Variants in PPP2R2B observed in about 807,000 individuals in gnomAD.
The protein encoded by PPP2R2B is serine/threonine-protein phosphatase 2A 55 kDa regulatory subunit B beta isoform.
Under a neutral mutation model 46.0 loss-of-function variants are expected in PPP2R2B, and 5 were observed. That is an observed-to-expected ratio of 0.11 (90% CI 0.06 to 0.23). The LOEUF is 0.23. Among genes scored for constraint, PPP2R2B ranks in the 10% least tolerant of loss-of-function variants. The pLI, the probability that PPP2R2B is intolerant of heterozygous loss-of-function variation, is 1.00. For missense variants in PPP2R2B, 367 were observed against 575.0 expected (o/e 0.64, Z 3.70); for synonymous variants, 215 against 206.7 (o/e 1.04, Z -0.34).
At chr5:146,798,832 T>C (rs1228787115) in intron 2 of PPP2R2B, among the ~76,000 whole-genome samples, 1 of 152,166 alleles carries the variant, frequency 6.6e-6, no homozygotes, top group Non-Finnish European at 1.5e-5. Flanking sequence ...AGCTAACAAA[T>C]AGTAGATCTG....
At chr5:146,600,085 C>T (rs1436302316) in intron 8 of PPP2R2B, among the ~76,000 whole-genome samples, 1 of 152,204 alleles carries the variant, frequency 6.6e-6, no homozygotes, top group Non-Finnish European at 1.5e-5. Flanking sequence ...AGTGCTCTGT[C>T]CATATCAATT....
At chr5:146,622,824 T>TTAAAG (rs1370504698) in intron 7 of PPP2R2B, among the ~76,000 whole-genome samples, 2 of 152,238 alleles carry the variant, frequency 1.3e-5, no homozygotes, top group African/African-American at 4.8e-5. Context: ...GACATTATCT[T>TTAAAG]TAAAGTAGCT....
chr5:146,662,390 C>T (rs75123014), intron 5 of PPP2R2B, among the ~76,000 whole-genome samples: 1 of 152,174 alleles, frequency 6.6e-6, no homozygotes, highest in African/African-American at 2.4e-5. Flanking sequence ...AACAAATTGA[C>T]TTAAGATTGA....
intron 1 of PPP2R2B, among the ~76,000 whole-genome samples, chr5:147,014,806 G>T (rs1025162075): frequency 6.6e-6 from 1 of 151,996 alleles, no homozygotes; most frequent in South Asian, 2.1e-4. Flanking sequence ...AGTGGGTGCA[G>T]TGCACCAGCA....
intron 7 of PPP2R2B, among the ~76,000 whole-genome samples, chr5:146,617,840 G>A (rs112204975): frequency 2.9e-3 from 445 of 152,110 alleles, no homozygotes; most frequent in African/African-American, 0.01. Context: ...GATTACAGAC[G>A]TGTGCCACCA....
intron 5 of PPP2R2B, among the ~76,000 whole-genome samples, chr5:146,678,212 T>C (rs2151132182): frequency 6.6e-6 from 1 of 152,136 alleles, no homozygotes; most frequent in East Asian, 1.9e-4. Flanking sequence ...GTGGGCTTCA[T>C]CCCTGGGATG....
chr5:146,736,493 G>T (rs754925700), intron 2 of PPP2R2B, among the ~76,000 whole-genome samples: 1 of 152,048 alleles, frequency 6.6e-6, no homozygotes, highest in African/African-American at 2.4e-5. Context: ...GCTCCAGATC[G>T]TGCAGGAAGA....
intron 1 of PPP2R2B, among the ~76,000 whole-genome samples, chr5:146,996,712 C>T (rs555543289): frequency 1.3e-5 from 2 of 152,230 alleles, no homozygotes; most frequent in African/African-American, 4.8e-5. Context: ...CACTATGGTA[C>T]CTGGGTGAGG....
At chr5:146,681,890 C>T (rs1174354169) in intron 5 of PPP2R2B, among the ~76,000 whole-genome samples, 1 of 152,134 alleles carries the variant, frequency 6.6e-6, no homozygotes, top group African/African-American at 2.4e-5. Context: ...GCACCAGAGG[C>T]CATGGAAACA....
intron 2 of PPP2R2B, among the ~76,000 whole-genome samples, chr5:146,818,184 C>A (rs780752464): frequency 1.3e-5 from 2 of 152,180 alleles, no homozygotes; most frequent in Non-Finnish European, 2.9e-5. Flanking sequence ...CAAAGTACGT[C>A]TTTCCCGCCA....
intron 2 of PPP2R2B, among the ~76,000 whole-genome samples, chr5:146,783,817 C>G (rs1317999326): frequency 1.3e-5 from 2 of 152,188 alleles, no homozygotes; most frequent in African/African-American, 4.8e-5. Context: ...TCCCAGAGCA[C>G]TGCAGAAATT....
At chr5:146,641,646 T>C (rs994181961) in intron 6 of PPP2R2B, among the ~76,000 whole-genome samples, 2 of 151,970 alleles carry the variant, frequency 1.3e-5, no homozygotes, top group African/African-American at 4.8e-5. Flanking sequence ...ATTAAGTGAC[T>C]TATGGGGATG....
chr5:146,771,604 C>G (rs1754858640), intron 2 of PPP2R2B, among the ~76,000 whole-genome samples: 1 of 152,328 alleles, frequency 6.6e-6, no homozygotes, highest in Non-Finnish European at 1.5e-5. Context: ...GATGAGCTGT[C>G]TACCAATATC....
chr5:147,079,897 G>C (rs1393583420), intron 2 of PPP2R2B, among the ~76,000 whole-genome samples: 1 of 151,974 alleles, frequency 6.6e-6, no homozygotes, highest in African/African-American at 2.4e-5. Flanking sequence ...AATCATCTTG[G>C]TTTGATATCA....
At chr5:146,765,516 T>C (rs930220628) in intron 2 of PPP2R2B, among the ~76,000 whole-genome samples, 4 of 152,194 alleles carry the variant, frequency 2.6e-5, no homozygotes, top group Admixed American at 1.3e-4. Context: ...GCCAAAACCC[T>C]TTGTGTTAGC....
intron 2 of PPP2R2B, among the ~76,000 whole-genome samples, chr5:146,731,770 T>G (rs777467483): frequency 2.0e-5 from 3 of 152,184 alleles, no homozygotes; most frequent in Non-Finnish European, 4.4e-5. Context: ...TGATAAATCC[T>G]CAATAAGTTT....
intron 2 of PPP2R2B, among the ~76,000 whole-genome samples, chr5:146,744,543 A>C (rs988588327): frequency 6.6e-6 from 1 of 152,184 alleles, no homozygotes; most frequent in Non-Finnish European, 1.5e-5. Context: ...GAGAAATGTG[A>C]AATTCCACTC....
chr5:146,632,061 G>GCCCCCCCCC, intron 7 of PPP2R2B, among the ~76,000 whole-genome samples: 164 of 104,042 alleles, frequency 1.6e-3, no homozygotes, highest in Non-Finnish European at 2.0e-3. Flanking sequence ...GCTGAGTTGT[G>GCCCCCCCCC]CCCCCCCCCC....
At chr5:146,754,456 A>G (rs1753727897) in intron 2 of PPP2R2B, among the ~76,000 whole-genome samples, 1 of 152,242 alleles carries the variant, frequency 6.6e-6, no homozygotes, top group Non-Finnish European at 1.5e-5. Context: ...GCAAATTTGC[A>G]GAAGCATATG....
Sources: allele counts gnomAD v4.1 joint callset (sites outside exome capture counted in the v4.1 genomes callset), GRCh38; gene constraint gnomAD v4.1.1; transcripts MANE v1.5; gene names NCBI Gene and HGNC (gene_info 2026-07-23, HGNC 2026-07-21).